The following CENPP variants were observed in gnomAD, a reference collection of about 807,000 sequenced individuals.
The protein encoded by CENPP is centromere protein P.
In CENPP, 24 loss-of-function variants were observed where a neutral mutation model predicts 35.6. The observed-to-expected ratio is 0.67, with a 90% CI of 0.49 to 0.95. CENPP has a LOEUF of 0.95. CENPP is among the 40% of genes least tolerant of loss of function. The pLI is 0.00. For synonymous variants in CENPP, 120 were observed against 125.5 expected (o/e 0.96, Z 0.29); for missense variants, 332 against 345.3 (o/e 0.96, Z 0.31).
chr9:92,539,349 C>G (rs1051635077), intron 5 of CENPP, among the ~76,000 whole-genome samples: 19 of 141,614 alleles, frequency 1.3e-4, no homozygotes, highest in African/African-American at 4.7e-4. Context: ...CCCCGCTCCC[C>G]CACCCCCCAC....
intron 5 of CENPP, among the ~76,000 whole-genome samples, chr9:92,428,992 T>C (rs531113241): frequency 6.6e-6 from 1 of 152,308 alleles, no homozygotes; most frequent in South Asian, 2.1e-4. Context: ...GTTAGCTAAC[T>C]CTTATCTTTA....
intron 5 of CENPP, among the ~76,000 whole-genome samples, chr9:92,547,489 C>T (rs1343424141): frequency 6.6e-6 from 1 of 152,222 alleles, no homozygotes; most frequent in African/African-American, 2.4e-5. Flanking sequence ...GAATGTCATA[C>T]TGACACATGC....
chr9:92,496,389 C>A (rs1461500401), intron 5 of CENPP: 1 of 1,609,516 alleles, frequency 6.2e-7, no homozygotes, highest in South Asian at 1.1e-5. Context: ...GATGGTATTT[C>A]TCTAATTTTA....
chr9:92,571,258 C>G (rs1465481097), intron 5 of CENPP, among the ~76,000 whole-genome samples: 2 of 152,112 alleles, frequency 1.3e-5, no homozygotes, highest in Non-Finnish European at 1.5e-5. Context: ...TAAATGTGTC[C>G]CAGAGATTCT....
At chr9:92,546,814 G>C (rs150109539) in intron 5 of CENPP, among the ~76,000 whole-genome samples, 2,054 of 152,188 alleles carry the variant, frequency 0.013, 17 homozygotes, top group South Asian at 0.021. Flanking sequence ...CAATAAAATT[G>C]TCACAAGAAG....
chr9:92,557,098 G>A (rs539795608), intron 5 of CENPP, among the ~76,000 whole-genome samples: 274 of 152,232 alleles, frequency 1.8e-3, no homozygotes, highest in Admixed American at 3.7e-3. Flanking sequence ...GCTGAGTTTC[G>A]CTGAATACAA....
chr9:92,456,002 C>A (rs138759568), intron 5 of CENPP, among the ~76,000 whole-genome samples: 1 of 152,224 alleles, frequency 6.6e-6, no homozygotes, highest in Admixed American at 6.5e-5. Flanking sequence ...ACCCAGGAGG[C>A]GGAGGTTGCA....
At chr9:92,381,300 T>TTTTTTTTTTTTTTTTTTC in intron 5 of CENPP, among the ~76,000 whole-genome samples, 1 of 147,892 alleles carries the variant, frequency 6.8e-6, no homozygotes. Context: ...TTTTTTTTTT[T>TTTTTTTTTTTTTTTTTTC]TGAGACAGGG....
chr9:92,369,839 T>G (rs1263587324), intron 4 of CENPP, among the ~76,000 whole-genome samples: 1 of 152,236 alleles, frequency 6.6e-6, no homozygotes, highest in Non-Finnish European at 1.5e-5. Flanking sequence ...TTTGCCTGAT[T>G]GCTCTGGCTA....
At chr9:92,326,509 A>T (rs909677110) in intron 1 of CENPP, among the ~76,000 whole-genome samples, 2 of 152,248 alleles carry the variant, frequency 1.3e-5, no homozygotes, top group African/African-American at 4.8e-5. Context: ...TGACATAAAA[A>T]TTCCTTTGAA....
At chr9:92,474,795 C>T in intron 5 of CENPP, 1 of 1,610,926 alleles carries the variant, frequency 6.2e-7, no homozygotes, top group Non-Finnish European at 8.5e-7. Context: ...TCTGTGTCTT[C>T]CATATCCTTC....
chr9:92,511,229 G>A (rs1847318971), intron 5 of CENPP, among the ~76,000 whole-genome samples: 1 of 151,960 alleles, frequency 6.6e-6, no homozygotes, highest in African/African-American at 2.4e-5. Context: ...GAATTCAAGC[G>A]ATTCTCCTGC....
At chr9:92,608,328 A>G (rs927908604) in intron 5 of CENPP, among the ~76,000 whole-genome samples, 1 of 151,650 alleles carries the variant, frequency 6.6e-6, no homozygotes, top group African/African-American at 2.4e-5. Flanking sequence ...ATATTTTTCA[A>G]TTCACTTTTT....
chr9:92,469,972 C>T (rs556348505), intron 5 of CENPP, among the ~76,000 whole-genome samples: 5 of 152,226 alleles, frequency 3.3e-5, no homozygotes, highest in African/African-American at 4.8e-5. Context: ...GCTAAGACTA[C>T]GTGCACCACC....
intron 5 of CENPP, among the ~76,000 whole-genome samples, chr9:92,511,254 T>C (rs1847320876): frequency 6.6e-6 from 1 of 152,010 alleles, no homozygotes; most frequent in African/African-American, 2.4e-5. Flanking sequence ...GCCTCCCGAG[T>C]AGCTGGGACT....
chr9:92,414,153 GT>G (rs1843520576), intron 5 of CENPP: 1 of 171,596 alleles, frequency 5.8e-6, no homozygotes, highest in African/African-American at 2.4e-5. Flanking sequence ...GATTTTTAAG[GT>G]TTTAAAGAAG....
rs993174740 is a variant in CENPP at position 92,455,999 on chromosome 9, A to G, written c.564+76140A>G. On this transcript the variant is annotated intron_variant, in intron 5 of 7. Transcript: ENST00000375587. ...AGCAGGAGAATCGCTTGAACCCAGG[A>G]GGCGGAGGTTGCAGTGAGCCAAGAT... Among the ~76,000 whole-genome samples, 6 of 152,342 alleles carry G rather than the reference A, an allele frequency of 3.9e-5. No homozygotes were observed. In the South Asian group the frequency reaches 1.2e-3, roughly 32 times the overall value.
chr9:92,552,491 TC>T (rs1194364190), intron 5 of CENPP, among the ~76,000 whole-genome samples: 1 of 152,148 alleles, frequency 6.6e-6, no homozygotes, highest in Non-Finnish European at 1.5e-5. Flanking sequence ...GTTCACCGCA[TC>T]CATGCCAACA....
intron 5 of CENPP, among the ~76,000 whole-genome samples, chr9:92,506,527 C>T (rs548893018): frequency 6.6e-6 from 1 of 152,278 alleles, no homozygotes; most frequent in Admixed American, 6.5e-5. Flanking sequence ...CCAAAATTCC[C>T]AGATTAGGGG....
Sources: gnomAD v4.1 joint callset for allele counts (sites outside exome capture counted in the v4.1 genomes callset) on GRCh38, gnomAD v4.1.1 for gene constraint, MANE v1.5 for transcripts, NCBI Gene and HGNC (gene_info 2026-07-23, HGNC 2026-07-21) for gene names.